EDIL3: variants seen among roughly 807,000 people sequenced by gnomAD.
EDIL3 encodes EGF like and discoidin domains 3.
In EDIL3, 37 loss-of-function variants were observed where a neutral mutation model predicts 67.4. The observed-to-expected ratio is 0.55, with a 90% confidence interval of 0.42 to 0.72. The LOEUF (loss-of-function observed/expected upper bound fraction) is 0.72. Among genes scored for constraint, EDIL3 ranks in the 30% least tolerant of loss-of-function variants. The probability of loss-of-function intolerance (pLI) is 0.00; values close to 1 mark genes in which losing one functional copy is unlikely to be tolerated. For missense variants in EDIL3, 527 were observed against 586.3 expected (o/e 0.90, Z 1.04); for synonymous variants, 195 against 196.3 (o/e 0.99, Z 0.05).
intron 7 of EDIL3, 36 bp downstream of exon 7, chr5:84,066,415 T>C: frequency 6.4e-7 from 1 of 1,553,210 alleles, no homozygotes; most frequent in Non-Finnish European, 8.7e-7. Context: ...TCAATGACAT[T>C]TTTCTTTTAA....
chr5:84,118,757 T>C (rs1270338981), intron 5 of EDIL3, among the ~76,000 whole-genome samples: 1 of 152,182 alleles, frequency 6.6e-6, no homozygotes, highest in African/African-American at 2.4e-5. Context: ...CAGCTCCAGA[T>C]TAATCCAGTG....
intron 1 of EDIL3, among the ~76,000 whole-genome samples, chr5:84,334,228 A>C (rs1192590400): frequency 6.6e-6 from 1 of 151,664 alleles, no homozygotes; most frequent in Admixed American, 6.6e-5. Context: ...CACGCGCCTA[A>C]TTTTTTTGTA....
At chr5:84,295,056 G>A (rs1403229859) in intron 1 of EDIL3, among the ~76,000 whole-genome samples, 1 of 151,786 alleles carries the variant, frequency 6.6e-6, no homozygotes, top group Non-Finnish European at 1.5e-5. Flanking sequence ...TGTTGTACAG[G>A]GAATTCAATA....
At chr5:84,211,925 C>A (rs1237373863) in intron 3 of EDIL3, among the ~76,000 whole-genome samples, 1 of 152,152 alleles carries the variant, frequency 6.6e-6, no homozygotes, top group Non-Finnish European at 1.5e-5. Flanking sequence ...GCAATTTGCA[C>A]AAATCCAAGA....
intron 1 of EDIL3, among the ~76,000 whole-genome samples, chr5:84,276,500 A>G (rs909058789): frequency 5.9e-5 from 9 of 151,776 alleles, no homozygotes; most frequent in African/African-American, 2.2e-4. Flanking sequence ...TTACTCAAGC[A>G]TTTGCTTTTT....
chr5:84,001,777 T>A (rs1745335555), intron 9 of EDIL3, among the ~76,000 whole-genome samples: 1 of 151,896 alleles, frequency 6.6e-6, no homozygotes, highest in Non-Finnish European at 1.5e-5. Context: ...AATAAAAAAA[T>A]CTCCCATCAA....
intron 2 of EDIL3, among the ~76,000 whole-genome samples, chr5:84,232,149 T>C (rs921559517): frequency 2.6e-5 from 4 of 152,244 alleles, no homozygotes; most frequent in African/African-American, 9.6e-5. Context: ...CGGCAGAGTT[T>C]ACCGAAATTC....
intron 1 of EDIL3, among the ~76,000 whole-genome samples, chr5:84,308,985 G>C (rs929438395): frequency 2.0e-5 from 3 of 152,080 alleles, no homozygotes; most frequent in African/African-American, 7.2e-5. Flanking sequence ...ATATATTAAA[G>C]GATACTGTCG....
intron 6 of EDIL3, among the ~76,000 whole-genome samples, chr5:84,092,305 A>C (rs1747181533): frequency 6.6e-6 from 1 of 152,240 alleles, no homozygotes; most frequent in African/African-American, 2.4e-5. Context: ...AATATTCATG[A>C]AACAAATGGA....
chr5:84,006,343 TAAAACAAAACAAAAC>T (rs56161304), intron 9 of EDIL3, among the ~76,000 whole-genome samples: 3,590 of 147,830 alleles, frequency 0.024, 126 homozygotes, highest in African/African-American at 0.076. Flanking sequence ...TATGCAGCCA[TAAAACAAAACAAAAC>T]AAAACAAAAC....
At chr5:84,242,438 C>T (rs1243938715) in intron 2 of EDIL3, among the ~76,000 whole-genome samples, 1 of 152,108 alleles carries the variant, frequency 6.6e-6, no homozygotes, top group Non-Finnish European at 1.5e-5. Flanking sequence ...TGTGTTCCTT[C>T]AGATATTTAC....
At chr5:84,299,769 C>A (rs1216315942) in intron 1 of EDIL3, among the ~76,000 whole-genome samples, 1 of 152,010 alleles carries the variant, frequency 6.6e-6, no homozygotes, top group African/African-American at 2.4e-5. Context: ...TATGTATAAC[C>A]TCTATTTCAG....
chr5:84,050,146 C>A (rs553220534), intron 9 of EDIL3, among the ~76,000 whole-genome samples: 1 of 132,214 alleles, frequency 7.6e-6, no homozygotes, highest in Non-Finnish European at 1.5e-5. Context: ...TGCAGTGAGT[C>A]GAGATGGCGC....
chr5:83,961,474 T>G (rs984412922), intron 10 of EDIL3, among the ~76,000 whole-genome samples: 1 of 151,272 alleles, frequency 6.6e-6, no homozygotes, highest in Non-Finnish European at 1.5e-5. Flanking sequence ...TGAAATCACT[T>G]TTTTACATAA....
In EDIL3 at chr5:84,254,270, A is replaced by G. The variant is rs1379561422; in HGVS notation, c.68-58T>C. 1.9e-6 allele frequency: 3 copies of G among 1,544,794 alleles called. No homozygotes were observed. In the African/African-American group the frequency reaches 4.2e-5, roughly 21 times the overall value. On this transcript the variant is annotated intron_variant, in intron 1 of 10. Coordinates refer to ENST00000296591, the MANE Select transcript of EDIL3 (RefSeq NM_005711.5). ...TTTTTTTTGTCTTGGACATTGAAAC[A>G]TACTAGTTTACTTTGCTATGGATGT... is the stretch of plus-strand genomic sequence containing the variant.
At chr5:84,188,931 AC>A (rs1179817399) in intron 3 of EDIL3, among the ~76,000 whole-genome samples, 1 of 151,974 alleles carries the variant, frequency 6.6e-6, no homozygotes, top group Non-Finnish European at 1.5e-5. Context: ...GCAAACTAAT[AC>A]CCTGTTTACA....
intron 6 of EDIL3, among the ~76,000 whole-genome samples, chr5:84,079,790 C>A (rs1393064805): frequency 6.6e-6 from 1 of 152,018 alleles, no homozygotes; most frequent in East Asian, 1.9e-4. Context: ...AACAGACAAG[C>A]ATGATCACCT....
chr5:84,072,363 G>C (rs554423686), intron 6 of EDIL3, among the ~76,000 whole-genome samples: 3 of 152,074 alleles, frequency 2.0e-5, no homozygotes, highest in Admixed American at 2.0e-4. Context: ...CATATGAAAA[G>C]ATAATCATAT....
In EDIL3 at chr5:84,384,659, C is replaced by G. The variant is rs1748189188; in HGVS notation, c.-285G>C. ...GCCCTCCGCTGCGGGTGGGTCCCGG[C>G]AGAGGCGCGGCGGGCGGGGCGCGGG... On this transcript the variant is annotated 5_prime_UTR_variant, in exon 1 of 11. Coordinates refer to ENST00000296591, the MANE Select transcript of EDIL3 (RefSeq NM_005711.5). The G allele has an allele frequency of 9.1e-6, 2 of 218,690 alleles. No homozygotes were observed. The highest frequency in any genetic ancestry group is 1.8e-5 in the Non-Finnish European group (2 of 111,890). The allele number at this position is 218,690 out of a possible 1,614,324, so 13.5% of individuals were successfully genotyped here.
Sources: allele counts gnomAD v4.1 joint callset (sites outside exome capture counted in the v4.1 genomes callset), GRCh38; gene constraint gnomAD v4.1.1; transcripts MANE v1.5; gene names NCBI Gene and HGNC (gene_info 2026-07-23, HGNC 2026-07-21).